MAP4K4: variants seen among roughly 807,000 people sequenced by gnomAD.
The protein encoded by MAP4K4 is mitogen-activated protein kinase kinase kinase kinase 4, also known as HPK/GCK-like kinase HGK.
Under a neutral mutation model 189.6 loss-of-function variants are expected in MAP4K4, and 38 were observed. That is an observed-to-expected ratio of 0.20 (90% confidence interval 0.15 to 0.26). The LOEUF is 0.26. MAP4K4 is among the 10% of genes least tolerant of loss of function. The pLI, the probability that MAP4K4 is intolerant of heterozygous loss-of-function variation, is 1.00. For synonymous variants in MAP4K4, 610 were observed against 624.3 expected, an observed-to-expected ratio of 0.98 and a Z score of 0.34; for missense variants, 1,054 against 1,726.9, an observed-to-expected ratio of 0.61 and a Z score of 6.91.
chr2:101,746,991 C>A (rs972495909), intron 2 of MAP4K4, among the ~76,000 whole-genome samples: 1 of 152,124 alleles, frequency 6.6e-6, no homozygotes, highest in African/African-American at 2.4e-5. Context: ...CTCTTTCGCT[C>A]AGATGCAGGT....
At chr2:101,874,395 G>A in intron 26 of MAP4K4, 143 bp downstream of exon 26, 7 of 683,848 alleles carry the variant, frequency 1.0e-5, no homozygotes, top group Non-Finnish European at 1.7e-5. Context: ...TATGCAGAGT[G>A]GTATATTAGC....
intron 16 of MAP4K4, among the ~76,000 whole-genome samples, chr2:101,863,026 A>G (rs193184582): frequency 2.3e-4 from 35 of 152,338 alleles, no homozygotes; most frequent in African/African-American, 5.5e-4. Context: ...GGATTTTTTC[A>G]GAGATCATTT....
intron 2 of MAP4K4, among the ~76,000 whole-genome samples, chr2:101,745,102 T>C (rs907886921): frequency 1.3e-5 from 2 of 152,182 alleles, no homozygotes; most frequent in African/African-American, 4.8e-5. Context: ...ATAGATAGAA[T>C]GATGACGTTG....
chr2:101,744,406 C>T (rs563195863), intron 2 of MAP4K4, among the ~76,000 whole-genome samples: 1 of 152,296 alleles, frequency 6.6e-6, no homozygotes, highest in Admixed American at 6.5e-5. Context: ...GCCCACTAGC[C>T]ACATGTGGCT....
chr2:101,719,329 C>T (rs2050340164), intron 2 of MAP4K4, among the ~76,000 whole-genome samples: 2 of 152,146 alleles, frequency 1.3e-5, no homozygotes, highest in South Asian at 2.1e-4. Context: ...TAGTACATTT[C>T]CTGAACAAAA....
intron 2 of MAP4K4, among the ~76,000 whole-genome samples, chr2:101,769,502 T>C (rs2080273555): frequency 6.6e-6 from 1 of 152,220 alleles, no homozygotes; most frequent in African/African-American, 2.4e-5. Context: ...CTCTACAGTT[T>C]ATTTGAAGTG....
At chr2:101,767,493 A>G (rs1358438245) in intron 2 of MAP4K4, among the ~76,000 whole-genome samples, 1 of 152,220 alleles carries the variant, frequency 6.6e-6, no homozygotes, top group African/African-American at 2.4e-5. Context: ...TTCCTTCTGT[A>G]TGACAGCTTG....
At chr2:101,718,782 T>C (rs1276582933) in intron 2 of MAP4K4, among the ~76,000 whole-genome samples, 1 of 152,158 alleles carries the variant, frequency 6.6e-6, no homozygotes, top group Admixed American at 6.5e-5. Context: ...CTTGTGAAAA[T>C]GCAGATTCTG....
chr2:101,764,526 A>G (rs1201506904), intron 2 of MAP4K4, among the ~76,000 whole-genome samples: 1 of 152,210 alleles, frequency 6.6e-6, no homozygotes, highest in African/African-American at 2.4e-5. Context: ...ACATGTTTGA[A>G]AAGTATGTAA....
chr2:101,870,438 CA>C (rs1443657097), intron 23 of MAP4K4, 23 bp downstream of exon 23: 8 of 1,612,262 alleles, frequency 5.0e-6, no homozygotes, highest in Non-Finnish European at 6.8e-6. Flanking sequence ...TCTCTGTTGT[CA>C]GAGGCTGAGC....
intron 2 of MAP4K4, among the ~76,000 whole-genome samples, chr2:101,756,775 C>T (rs2073089795): frequency 6.7e-6 from 1 of 149,468 alleles, no homozygotes; most frequent in Admixed American, 6.7e-5. Flanking sequence ...ACATGTTGTC[C>T]AGGGTGGTCA....
At chr2:101,844,416 A>G in intron 12 of MAP4K4, 105 bp downstream of exon 12, 1 of 871,164 alleles carries the variant, frequency 1.1e-6, no homozygotes, top group Admixed American at 2.7e-5. Context: ...CTGGGGTAAT[A>G]CTTATCCCCT....
At chr2:101,796,537 G>A (rs1030369494) in intron 3 of MAP4K4, among the ~76,000 whole-genome samples, 10 of 152,210 alleles carry the variant, frequency 6.6e-5, no homozygotes, top group Non-Finnish European at 1.3e-4. Flanking sequence ...CTGTACTTGT[G>A]AAAGTATAAC....
intron 13 of MAP4K4, among the ~76,000 whole-genome samples, chr2:101,857,778 G>A (rs886768): frequency 0.14 from 20,554 of 151,950 alleles, 1,568 homozygotes; most frequent in South Asian, 0.19. Flanking sequence ...GGTTTTCTAA[G>A]GATTTTTATA....
At chr2:101,743,780 C>A (rs1327832594) in intron 2 of MAP4K4, among the ~76,000 whole-genome samples, 1 of 152,132 alleles carries the variant, frequency 6.6e-6, no homozygotes, top group Non-Finnish European at 1.5e-5. Context: ...GCCTCAGCCT[C>A]CTGAATAGCT....
At chr2:101,893,273 C>T (rs1393079257) in exon 33 of MAP4K4, 2 of 456,122 alleles carry the variant, frequency 4.4e-6, no homozygotes, top group Non-Finnish European at 8.8e-6. Context: ...AGCTGAGAAG[C>T]TTACTTTTTG....
At chr2:101,813,169 TC>T (rs2095533681) in intron 3 of MAP4K4, among the ~76,000 whole-genome samples, 2 of 152,194 alleles carry the variant, frequency 1.3e-5, no homozygotes, top group South Asian at 4.1e-4. Flanking sequence ...ATTATTGACT[TC>T]CACTATGAAG....
chr2:101,881,642 A>G (rs564236335), intron 27 of MAP4K4, among the ~76,000 whole-genome samples: 36 of 152,348 alleles, frequency 2.4e-4, no homozygotes, highest in African/African-American at 8.2e-4. Context: ...GCCATTATGT[A>G]TGACGTTAGC....
At chr2:101,699,767 A>G (rs925472568) in intron 2 of MAP4K4, among the ~76,000 whole-genome samples, 2 of 152,138 alleles carry the variant, frequency 1.3e-5, no homozygotes, top group Non-Finnish European at 2.9e-5. Context: ...TGTGGTCCGA[A>G]CTTGGGTCAG....
Sources: allele counts gnomAD v4.1 joint callset (sites outside exome capture counted in the v4.1 genomes callset), GRCh38; gene constraint gnomAD v4.1.1; transcripts MANE v1.5; gene names NCBI Gene and HGNC (gene_info 2026-07-23, HGNC 2026-07-21).